The following OPCML variants were observed in gnomAD, a reference collection of about 807,000 sequenced individuals.
OPCML encodes the protein opioid-binding protein/cell adhesion molecule.
OPCML carries 13 observed loss-of-function variants against 37.8 expected under a neutral mutation model. The observed-to-expected ratio is 0.34, with a 90% CI of 0.22 to 0.55. OPCML has a LOEUF of 0.55. Ranked by LOEUF, OPCML falls within the 20% of genes least tolerant of loss-of-function variation. The pLI is 0.91. For missense variants in OPCML, 341 were observed against 435.6 expected, an observed-to-expected ratio of 0.78 and a Z score of 1.93; for synonymous variants, 176 against 168.8, an observed-to-expected ratio of 1.04 and a Z score of -0.33.
At chr11:133,288,971 T>C (rs923108410) in intron 1 of OPCML, among the ~76,000 whole-genome samples, 1 of 152,026 alleles carries the variant, frequency 6.6e-6, no homozygotes, top group African/African-American at 2.4e-5. Flanking sequence ...GCCCAACCCA[T>C]CAGGGACGCA....
At chr11:133,012,084 T>A (rs1010396943) in intron 1 of OPCML, among the ~76,000 whole-genome samples, 1 of 152,210 alleles carries the variant, frequency 6.6e-6, no homozygotes, top group Non-Finnish European at 1.5e-5. Flanking sequence ...CAATTTTACT[T>A]AACAGGGGAC....
At chr11:133,399,285 G>T (rs1945351218) in intron 1 of OPCML, among the ~76,000 whole-genome samples, 1 of 152,124 alleles carries the variant, frequency 6.6e-6, no homozygotes, top group African/African-American at 2.4e-5. Flanking sequence ...GTGGCTTTTG[G>T]GCTTAGGAAT....
intron 2 of OPCML, among the ~76,000 whole-genome samples, chr11:132,750,396 G>A (rs1467886840): frequency 6.6e-6 from 1 of 152,162 alleles, no homozygotes; most frequent in Non-Finnish European, 1.5e-5. Context: ...ACAGGAGGCA[G>A]GAAACAGGAT....
intron 1 of OPCML, among the ~76,000 whole-genome samples, chr11:133,151,451 G>GT (rs1352148910): frequency 4.8e-4 from 72 of 150,080 alleles, no homozygotes; most frequent in East Asian, 9.7e-4. Flanking sequence ...AAAAGAGAAT[G>GT]TATTTTTTTT....
intron 1 of OPCML, among the ~76,000 whole-genome samples, chr11:133,501,179 C>T (rs888694548): frequency 2.6e-5 from 4 of 152,138 alleles, no homozygotes; most frequent in African/African-American, 9.7e-5. Flanking sequence ...CATGGAGACA[C>T]ACAAGCGCCA....
rs1944249926 is a variant in OPCML at position 132,711,166 on chromosome 11, T to A, written c.147-53847A>T. On this transcript the variant is annotated intron_variant, in intron 2 of 7. Transcript: ENST00000524381. ...AAGGAACATCAGAGGAGTAGCCTAATGACAGGGATATTTTAAAAGTAAGCC... is the reference window on the plus strand; with the variant it reads ...AAGGAACATCAGAGGAGTAGCCTAAAGACAGGGATATTTTAAAAGTAAGCC... Among the ~76,000 whole-genome samples, 3 of 152,218 alleles carry A rather than the reference T, an allele frequency of 2.0e-5. No individual in the cohort carries two copies. The South Asian group carries it at 6.2e-4, about 31-fold the overall frequency.
At chr11:133,426,483 C>T (rs755188921) in intron 1 of OPCML, among the ~76,000 whole-genome samples, 1 of 152,104 alleles carries the variant, frequency 6.6e-6, no homozygotes, top group Non-Finnish European at 1.5e-5. Context: ...GCAACTTCTG[C>T]GCGTTGGTAA....
intron 2 of OPCML, among the ~76,000 whole-genome samples, chr11:132,681,674 A>G (rs111737678): frequency 0.018 from 2,695 of 152,204 alleles, 68 homozygotes; most frequent in African/African-American, 0.051. Context: ...ACACTGATGC[A>G]GCCAGCCGTG....
In OPCML at chr11:133,177,151, A is replaced by C. The variant is rs1937614086; in HGVS notation, c.62-234141T>G. 6.6e-6 allele frequency among the ~76,000 whole-genome samples: 1 copy of C among 152,240 alleles called. No homozygotes were observed. Among genetic ancestry groups the C allele is most frequent in the African/African-American group, 2.4e-5 (1 of 41,462 alleles). On this transcript the variant is annotated intron_variant, in intron 1 of 7. Transcript: ENST00000524381. The surrounding 1 kb of genome is among the most constrained non-coding windows in gnomAD (Gnocchi z 5.0). ...TAAAAATGAAGTGTATTCATTTATT[A>C]ATATTTATTCATATTTGAGAGCACA...
At chr11:133,288,668 C>T (rs750237287) in intron 1 of OPCML, among the ~76,000 whole-genome samples, 23 of 152,160 alleles carry the variant, frequency 1.5e-4, no homozygotes, top group Non-Finnish European at 2.6e-4. Flanking sequence ...TCAATTAAAT[C>T]AGAATCCCTT....
chr11:132,911,316 G>A (rs61906924), intron 2 of OPCML, among the ~76,000 whole-genome samples: 36,149 of 152,166 alleles, frequency 0.24, 7,321 homozygotes, highest in African/African-American at 0.55. Flanking sequence ...CAAATAACCA[G>A]TAGATGAGTC....
At chr11:133,023,006 T>C (rs1947482132) in intron 1 of OPCML, among the ~76,000 whole-genome samples, 1 of 152,220 alleles carries the variant, frequency 6.6e-6, no homozygotes. Flanking sequence ...TTACACCCAT[T>C]GGCCTTATCT....
intron 2 of OPCML, among the ~76,000 whole-genome samples, chr11:132,690,503 G>GT (rs138985571): frequency 0.017 from 2,627 of 152,290 alleles, 66 homozygotes; most frequent in African/African-American, 0.059. Flanking sequence ...AGCTGAGAGA[G>GT]TTCACTGCAT....
chr11:132,941,844 C>T (rs1945588246), intron 2 of OPCML, among the ~76,000 whole-genome samples: 1 of 152,190 alleles, frequency 6.6e-6, no homozygotes, highest in South Asian at 2.1e-4. Flanking sequence ...ACAGGTCTTT[C>T]CTCCTCCAGG....
intron 2 of OPCML, among the ~76,000 whole-genome samples, chr11:132,922,303 C>T (rs759183471): frequency 1.5e-4 from 23 of 152,106 alleles, no homozygotes; most frequent in Non-Finnish European, 2.9e-4. Flanking sequence ...ACCCTCGACC[C>T]AAGCTGAGAC....
At chr11:133,133,774 G>C (rs548924919) in intron 1 of OPCML, among the ~76,000 whole-genome samples, 7 of 151,978 alleles carry the variant, frequency 4.6e-5, no homozygotes, top group Non-Finnish European at 8.8e-5. Context: ...TCCCATCCAC[G>C]AGTTGCCTGT....
At position 132,475,963 on chromosome 11, in the gene OPCML, C is replaced by A. The variant is rs78880324; in HGVS notation, c.506-38604G>T. ...GTGCAAGTAACCTAACCTCTTTTCG[C>A]CCCAGTTTTCTCATCTGTGAAATGG... On this transcript the variant is annotated intron_variant, in intron 4 of 7. Transcript: ENST00000524381. Among the ~76,000 whole-genome samples, 829 of 152,246 alleles carry A rather than the reference C, an allele frequency of 5.4e-3. 10 individuals carry two copies. Among genetic ancestry groups the A allele is most frequent in the African/African-American group, 0.019 (782 of 41,540 alleles).
intron 4 of OPCML, among the ~76,000 whole-genome samples, chr11:132,470,889 G>A (rs1025623622): frequency 6.6e-6 from 1 of 152,120 alleles, no homozygotes; most frequent in Non-Finnish European, 1.5e-5. Context: ...TTATTAAAAA[G>A]TAGAGACAGA....
At chr11:132,518,569 C>G (rs747840580) in intron 4 of OPCML, among the ~76,000 whole-genome samples, 1 of 152,196 alleles carries the variant, frequency 6.6e-6, no homozygotes, top group African/African-American at 2.4e-5. Flanking sequence ...AAGGCTTCTA[C>G]TCAGCCCAGC....
Sources: gnomAD v4.1 joint callset for allele counts (sites outside exome capture counted in the v4.1 genomes callset) on GRCh38, gnomAD v4.1.1 for gene constraint, Gnocchi (gnomAD v3.1) non-coding constraint, MANE v1.5 for transcripts, NCBI Gene and HGNC (gene_info 2026-07-23, HGNC 2026-07-21) for gene names.